Variants in RBM11 observed in about 807,000 individuals in gnomAD.
The protein encoded by RBM11 is RNA binding motif protein 11.
In RBM11, 18 loss-of-function variants were observed where a neutral mutation model predicts 21.4. The ratio of observed to expected loss-of-function variants is 0.84; its 90% CI spans 0.58 to 1.25. The LOEUF (loss-of-function observed/expected upper bound fraction) is 1.25. Among genes scored for constraint, RBM11 ranks in the 50% most tolerant of loss-of-function variants. The pLI is 0.00. For missense variants in RBM11, 294 were observed against 331.9 expected (o/e 0.89, Z 0.89); for synonymous variants, 120 against 116.3 (o/e 1.03, Z -0.20).
At chr21:14,223,675 C>A (rs930221683) in intron 3 of RBM11, among the ~76,000 whole-genome samples, 1 of 152,102 alleles carries the variant, frequency 6.6e-6, no homozygotes, top group Non-Finnish European at 1.5e-5. Flanking sequence ...CTCAAAAGTT[C>A]ATATGTTGAA....
At position 14,216,157 on chromosome 21, in the gene RBM11, CCTA is replaced by C. The variant is rs767151225; in HGVS notation, c.-27_-25del. On this transcript the variant is annotated 5_prime_UTR_variant, in exon 1 of 5. Transcript: ENST00000400577. ...CCGGAGAAGGGGCGGGGTCTCAGCT[CCTA>C]CTTCATTCTACGGCCGAGACCGGAG... The C allele has an allele frequency of 6.3e-6, 10 of 1,589,128 alleles. No homozygotes were observed. Among genetic ancestry groups the C allele is most frequent in the Non-Finnish European group, 7.8e-6 (9 of 1,161,024 alleles).
rs747868077 is a variant in RBM11, at chr21:14,224,430, C to G, written c.333-8C>G. On this transcript the variant is annotated splice_region_variant and splice_polypyrimidine_tract_variant and intron_variant, in intron 3 of 4. Coordinates refer to ENST00000400577, the MANE Select transcript of RBM11 (RefSeq NM_144770.5). ...GATTTTATTACTTCTTCTTTCATCT[C>G]CTCAAAGGAATGAAGAAATGTTGGT... 2.6e-6 allele frequency: 4 copies of G among 1,548,320 alleles called. No homozygotes were observed. The South Asian group carries it at 3.6e-5, about 14-fold the overall frequency.
intron 2 of RBM11, among the ~76,000 whole-genome samples, chr21:14,220,853 T>C (rs1324510036): frequency 6.6e-6 from 1 of 152,164 alleles, no homozygotes; most frequent in Non-Finnish European, 1.5e-5. Flanking sequence ...CCAACGTCAA[T>C]GTCATTCTTA....
In RBM11 at chr21:14,216,186, G is replaced by T. The variant is rs760306637; in HGVS notation, c.-1G>T. 1 of 1,612,732 alleles carries T rather than the reference G, an allele frequency of 6.2e-7. No individual in the cohort carries two copies. Among genetic ancestry groups the T allele is most frequent in the Non-Finnish European group, 8.5e-7 (1 of 1,179,290 alleles). The stretch of plus-strand genomic sequence containing the variant: ...CTTCATTCTACGGCCGAGACCGGAG[G>T]ATGTTCCCTGCTCAGGAGGAGGCCG... On this transcript the variant is annotated 5_prime_UTR_variant, in exon 1 of 5. Transcript: ENST00000400577.
intron 4 of RBM11, among the ~76,000 whole-genome samples, chr21:14,226,311 A>T (rs906449037): frequency 1.3e-5 from 2 of 152,112 alleles, no homozygotes; most frequent in African/African-American, 4.8e-5. Context: ...TTTGTATTGC[A>T]GTTACTAGAT....
At chr21:14,225,892 A>G (rs1414755506) in intron 4 of RBM11, among the ~76,000 whole-genome samples, 1 of 152,134 alleles carries the variant, frequency 6.6e-6, no homozygotes, top group Non-Finnish European at 1.5e-5. Context: ...GTAAATAACT[A>G]TGCTATAAAA....
intron 4 of RBM11, 40 bp from the exon 5 acceptor site, chr21:14,226,840 T>C (rs534754611): frequency 6.4e-7 from 1 of 1,563,866 alleles, no homozygotes. Context: ...TCCTTAACCT[T>C]TTGGATTTGT....
intron 3 of RBM11, among the ~76,000 whole-genome samples, chr21:14,223,321 G>A (rs1262793066): frequency 6.6e-6 from 1 of 152,130 alleles, no homozygotes; most frequent in African/African-American, 2.4e-5. Flanking sequence ...GCTCTCCCTT[G>A]GAAATGGATT....
rs188323297 is a variant in RBM11 at position 14,219,720 on chromosome 21, G to T, written c.254G>T (p.Arg85Leu). The T allele has an allele frequency of 7.6e-6, 12 of 1,588,490 alleles. No individual in the cohort carries two copies. The East Asian group carries it at 2.5e-4, about 33-fold the overall frequency. ...GGAAGACCAATTAACGTGCAGTATC[G>T]ATTTGGTAGGTCCTGTCACTGATTA... ...LYGRPINVQY[R>L]FGSSRSSEPA... Residue 85 changes from arginine to leucine, a missense_variant, in exon 2 of 5, where the codon CGA becomes CTA. This residue lies in a region of RBM11 where 181 missense variants were observed against 164.6 expected (regional missense o/e 1.10). Transcript: ENST00000400577.
chr21:14,217,121 G>T (rs1249447083), intron 1 of RBM11, among the ~76,000 whole-genome samples: 1 of 152,166 alleles, frequency 6.6e-6, no homozygotes, highest in Non-Finnish European at 1.5e-5. Context: ...GTGGTTCCGC[G>T]TGCGAACTCT....
intron 2 of RBM11, 124 bp from the exon 3 acceptor site, chr21:14,220,973 T>C (rs1300900240): frequency 1.1e-6 from 1 of 916,518 alleles, no homozygotes; most frequent in Non-Finnish European, 1.6e-6. Context: ...ATATATCTTC[T>C]CTGAGTACAG....
At chr21:14,217,635 A>G (rs773171484) in intron 1 of RBM11, among the ~76,000 whole-genome samples, 1 of 152,086 alleles carries the variant, frequency 6.6e-6, no homozygotes, top group Non-Finnish European at 1.5e-5. Context: ...CATCCTTTTA[A>G]TTCATCTTTT....
intron 4 of RBM11, among the ~76,000 whole-genome samples, chr21:14,225,228 T>C (rs1022438447): frequency 1.3e-5 from 2 of 152,350 alleles, no homozygotes; most frequent in Non-Finnish European, 1.5e-5. Context: ...ATTTTTAAAG[T>C]AAATTTCTCC....
At chr21:14,226,308 T>G (rs888008799) in intron 4 of RBM11, among the ~76,000 whole-genome samples, 7 of 152,222 alleles carry the variant, frequency 4.6e-5, no homozygotes, top group Non-Finnish European at 7.3e-5. Flanking sequence ...ACTTTTGTAT[T>G]GCAGTTACTA....
chr21:14,224,277 G>A (rs1978911894), intron 3 of RBM11, 161 bp from the exon 4 acceptor site: 1 of 1,088,754 alleles, frequency 9.2e-7, no homozygotes, highest in African/African-American at 1.6e-5. Context: ...CTGAATTTTG[G>A]GGAGACATGT....
chr21:14,217,321 GTTA>G (rs960387442), intron 1 of RBM11, among the ~76,000 whole-genome samples: 3 of 152,172 alleles, frequency 2.0e-5, no homozygotes, highest in Admixed American at 6.5e-5. Flanking sequence ...TGGTACTGCT[GTTA>G]TTATTAGTAA....
At position 14,228,316 on chromosome 21, in the gene RBM11, G is replaced by A. The variant is rs1473052004; in HGVS notation, c.*1023G>A. The A allele has an allele frequency of 2.0e-5, 3 of 151,906 alleles. No individual in the cohort carries two copies. Among genetic ancestry groups the A allele is most frequent in the Admixed American group, 6.6e-5 (1 of 15,252 alleles). The allele number at this position is 151,906 out of a possible 1,614,324, so 9.4% of individuals were successfully genotyped here. On this transcript the variant is annotated 3_prime_UTR_variant, in exon 5 of 5. Transcript: ENST00000400577. ...TGCTTGGATGTTTCTTTTGCATGTT[G>A]CCTAGCATTTTATAGATATTTATTA...
At chr21:14,220,389 C>G (rs1170960606) in intron 2 of RBM11, among the ~76,000 whole-genome samples, 2 of 152,194 alleles carry the variant, frequency 1.3e-5, no homozygotes, top group Non-Finnish European at 2.9e-5. Context: ...TCTGGTAATT[C>G]TTGCAATATG....
chr21:14,219,993 C>T (rs1978521176), intron 2 of RBM11, among the ~76,000 whole-genome samples: 1 of 152,120 alleles, frequency 6.6e-6, no homozygotes, highest in Admixed American at 6.6e-5. Flanking sequence ...ATGATGGTTG[C>T]TATTGGCCCT....
Sources: allele counts gnomAD v4.1 joint callset (sites outside exome capture counted in the v4.1 genomes callset), GRCh38; gene constraint gnomAD v4.1.1; regional missense constraint gnomAD v4.1.1; transcripts MANE v1.5; gene names NCBI Gene and HGNC (gene_info 2026-07-23, HGNC 2026-07-21).